The following MPP4 variants were observed in gnomAD, a reference collection of about 807,000 sequenced individuals.
The protein encoded by MPP4 is MAGUK p55 scaffold protein 4.
Under a neutral mutation model 98.3 loss-of-function variants are expected in MPP4, and 91 were observed. The observed-to-expected ratio is 0.93, with a 90% CI of 0.78 to 1.10. MPP4 has a LOEUF of 1.10. Among genes scored for constraint, MPP4 ranks in the 50% least tolerant of loss-of-function variants. The probability of loss-of-function intolerance (pLI) is 0.00; values close to 1 mark genes in which losing one functional copy is unlikely to be tolerated. For synonymous variants in MPP4, 261 were observed against 271.8 expected (o/e 0.96, Z 0.39); for missense variants, 744 against 792.9 (o/e 0.94, Z 0.74).
At chr2:201,681,956 GT>G (rs1366505071) in intron 8 of MPP4, among the ~76,000 whole-genome samples, 1 of 152,010 alleles carries the variant, frequency 6.6e-6, no homozygotes, top group African/African-American at 2.4e-5. Flanking sequence ...CTGAATGCCT[GT>G]TTCTACACCA....
intron 18 of MPP4, chr2:201,650,952 T>G: frequency 1.0e-6 from 1 of 985,426 alleles, no homozygotes; most frequent in Non-Finnish European, 1.2e-6. Flanking sequence ...AGTTATTTGT[T>G]GTCTGCTCAT....
At chr2:201,693,092 A>T in intron 2 of MPP4, 63 bp from the exon 3 acceptor site, 1 of 1,561,320 alleles carries the variant, frequency 6.4e-7, no homozygotes, top group Non-Finnish European at 8.7e-7. Context: ...AAGGCAACTC[A>T]GATAGCTGGG....
chr2:201,682,631 G>T (rs1252183149), intron 8 of MPP4, among the ~76,000 whole-genome samples, 200 bp downstream of exon 8: 1 of 152,132 alleles, frequency 6.6e-6, no homozygotes, highest in Non-Finnish European at 1.5e-5. Context: ...TCCCAGCCAG[G>T]ACCAGAACTT....
In MPP4 at chr2:201,649,992, G is replaced by A. The variant is rs1269729823; in HGVS notation, c.1475+80C>T. On this transcript the variant is annotated intron_variant, in intron 19 of 21. Transcript: ENST00000409474. ...CAAAAGGAATTACCCAGGAGATTTGGAAAATACATAAAAATAGGGAATCTA... is the reference window on the plus strand; with the variant it reads ...CAAAAGGAATTACCCAGGAGATTTGAAAAATACATAAAAATAGGGAATCTA... The A allele has an allele frequency of 2.9e-6, 4 of 1,377,688 alleles. No individual in the cohort carries two copies. In the African/African-American group the frequency reaches 5.9e-5, roughly 20 times the overall value. 85.3% of individuals were successfully genotyped at this position (1,377,688 alleles called of 1,614,324 possible). A position where few individuals can be genotyped will look rare whatever the true frequency, so the allele number is the denominator to read the frequency against.
chr2:201,696,415 A>G (rs932247321), intron 1 of MPP4, among the ~76,000 whole-genome samples: 1 of 152,230 alleles, frequency 6.6e-6, no homozygotes, highest in Admixed American at 6.5e-5. Flanking sequence ...GAGAGCAGAC[A>G]AAAGTCAGAG....
At chr2:201,651,387 T>C in intron 18 of MPP4, 1 of 985,414 alleles carries the variant, frequency 1.0e-6, no homozygotes, top group Non-Finnish European at 1.2e-6. Context: ...AAAATTCTAG[T>C]AAAACCTTAT....
chr2:201,687,098 G>A (rs1332638325), intron 5 of MPP4, among the ~76,000 whole-genome samples, 193 bp downstream of exon 5: 2 of 152,198 alleles, frequency 1.3e-5, no homozygotes, highest in African/African-American at 4.8e-5. Flanking sequence ...CAGCAGGCTT[G>A]ACTGCATGAT....
chr2:201,692,848 T>G, intron 3 of MPP4, 60 bp downstream of exon 3: 1 of 1,577,724 alleles, frequency 6.3e-7, no homozygotes, highest in Admixed American at 1.8e-5. Context: ...GCTGTCATTT[T>G]CTACACACTC....
chr2:201,662,753 G>C (rs1688061981), intron 14 of MPP4, among the ~76,000 whole-genome samples: 1 of 152,058 alleles, frequency 6.6e-6, no homozygotes, highest in Admixed American at 6.5e-5. Flanking sequence ...TATGTGATAA[G>C]AGAAAGAAGA....
chr2:201,692,745 G>A (rs1179440343), intron 3 of MPP4, among the ~76,000 whole-genome samples, 163 bp downstream of exon 3: 3 of 152,084 alleles, frequency 2.0e-5, no homozygotes, highest in East Asian at 1.9e-4. Flanking sequence ...ATCTGCTGCC[G>A]ACTGGATTTT....
chr2:201,645,064 T>G lies in MPP4; in HGVS notation c.*146A>C. 1 of 702,968 alleles carries G rather than the reference T, an allele frequency of 1.4e-6. No homozygotes were observed. Among genetic ancestry groups the G allele is most frequent in the African/African-American group, 1.8e-5 (1 of 54,866 alleles). 43.5% of individuals were successfully genotyped at this position (702,968 alleles called of 1,614,324 possible). A position where few individuals can be genotyped will look rare whatever the true frequency, so the allele number is the denominator to read the frequency against. ...AACCACATAACCATACAATAAAAAT[T>G]TTTTTCAAATAAGATTAATTAATAA... On this transcript the variant is annotated 3_prime_UTR_variant, in exon 22 of 22. Coordinates refer to ENST00000409474, the MANE Select transcript of MPP4 (RefSeq NM_033066.3).
intron 3 of MPP4, 38 bp from the exon 4 acceptor site, chr2:201,690,317 A>G: frequency 7.3e-7 from 1 of 1,374,778 alleles, no homozygotes; most frequent in Non-Finnish European, 1.0e-6. Context: ...GATATTGATA[A>G]TATGACTATT....
intron 1 of MPP4, among the ~76,000 whole-genome samples, chr2:201,697,012 C>T (rs554612356): frequency 2.0e-5 from 3 of 152,068 alleles, no homozygotes; most frequent in South Asian, 4.1e-4. Flanking sequence ...GAAGATGGGG[C>T]CTTTGGGAGG....
chr2:201,693,391 C>T (rs1487983066), intron 2 of MPP4, among the ~76,000 whole-genome samples: 1 of 152,158 alleles, frequency 6.6e-6, no homozygotes, highest in African/African-American at 2.4e-5. Flanking sequence ...CCAAAATTAT[C>T]TACTTGTGTT....
intron 16 of MPP4, among the ~76,000 whole-genome samples, chr2:201,657,080 C>T (rs1687866935): frequency 6.6e-6 from 1 of 152,096 alleles, no homozygotes; most frequent in Non-Finnish European, 1.5e-5. Flanking sequence ...CTGAAAGACT[C>T]CTCTGGTTGG....
intron 21 of MPP4, among the ~76,000 whole-genome samples, chr2:201,645,769 G>C (rs1687544394): frequency 1.3e-5 from 2 of 151,974 alleles, no homozygotes. Context: ...TCCCACCTAG[G>C]CCTCCCAAGT....
chr2:201,686,493 A>C (rs1688839085), intron 5 of MPP4, among the ~76,000 whole-genome samples: 2 of 152,238 alleles, frequency 1.3e-5, no homozygotes, highest in African/African-American at 4.8e-5. Flanking sequence ...TCAAGGGCTC[A>C]TGTGGTACAG....
At chr2:201,672,994 C>A (rs1178887505) in intron 11 of MPP4, among the ~76,000 whole-genome samples, 1 of 152,208 alleles carries the variant, frequency 6.6e-6, no homozygotes, top group African/African-American at 2.4e-5. Context: ...CCAAATCCAG[C>A]AGCACAGCAA....
Position 201,666,340 on chromosome 2 carries a change from C to G in MPP4, c.1045G>C (p.Glu349Gln). 1 of 1,556,792 alleles carries G rather than the reference C, an allele frequency of 6.4e-7. No homozygotes were observed. Among genetic ancestry groups the G allele is most frequent in the South Asian group, 1.2e-5 (1 of 82,762 alleles). Residue 349 changes from glutamate (E) to glutamine (Q), a missense_variant, in exon 13 of 22, where the codon GAA (glutamate) becomes CAA (glutamine). By Grantham distance (29) the Glu-to-Gln change is conservative (BLOSUM62 2). Transcript: ENST00000409474. ...AATCAAGAGAAAATGTTACCTGCTTCCACACATTTCTCATCAATCTTCATG... is the reference window on the plus strand; with the variant it reads ...AATCAAGAGAAAATGTTACCTGCTTGCACACATTTCTCATCAATCTTCATG... ...DDMKIDEKCV[E>Q]ADEETFESEE... is the part of the protein sequence containing the mutation.
Sources: allele counts gnomAD v4.1 joint callset (sites outside exome capture counted in the v4.1 genomes callset), GRCh38; gene constraint gnomAD v4.1.1; transcripts MANE v1.5; gene names NCBI Gene and HGNC (gene_info 2026-07-23, HGNC 2026-07-21).